COL19A1: variants seen among roughly 807,000 people sequenced by gnomAD.
COL19A1 encodes collagen alpha-1(XIX) chain.
COL19A1 carries 159 observed loss-of-function variants against 190.2 expected under a neutral mutation model. The ratio of observed to expected loss-of-function variants is 0.84; its 90% CI spans 0.73 to 0.95. The LOEUF is 0.95. Among genes scored for constraint, COL19A1 ranks in the 40% least tolerant of loss-of-function variants. The pLI is 0.00. For missense variants in COL19A1, 1,418 were observed against 1,431.9 expected (o/e 0.99, Z 0.16); for synonymous variants, 509 against 458.9 (o/e 1.11, Z -1.39).
At chr6:69,920,299 TC>T (rs1362272385) in intron 4 of COL19A1, among the ~76,000 whole-genome samples, 1 of 152,168 alleles carries the variant, frequency 6.6e-6, no homozygotes, top group African/African-American at 2.4e-5. Flanking sequence ...CTATTTCTGA[TC>T]CCCTGGTCAC....
rs75660673 is a variant in COL19A1 at position 70,156,603 on chromosome 6, A to T, written c.2239-67A>T. 2,327 of 1,539,090 alleles carry T rather than the reference A, an allele frequency of 1.5e-3. 31 individuals carry two copies. In the African/African-American group the frequency reaches 0.028, roughly 18 times the overall value. On this transcript the variant is annotated intron_variant, in intron 33 of 50. Transcript: ENST00000620364. ...CATGCCCCAAGTGTTCTTAGAAGAG[A>T]TTTTTTTCATTTCCAAAAGATAAGA... is the stretch of plus-strand genomic sequence containing the variant.
chr6:69,913,611 A>G (rs924559574), intron 4 of COL19A1, among the ~76,000 whole-genome samples: 1 of 152,160 alleles, frequency 6.6e-6, no homozygotes, highest in Non-Finnish European at 1.5e-5. Context: ...AGGTCAAAGC[A>G]ATTTGAGGAA....
At chr6:70,091,454 G>A (rs371259403) in intron 15 of COL19A1, among the ~76,000 whole-genome samples, 2 of 152,096 alleles carry the variant, frequency 1.3e-5, no homozygotes, top group Non-Finnish European at 2.9e-5. Context: ...TAGGGACTTC[G>A]TAAATACTTC....
chr6:70,026,377 C>G (rs1044581046), intron 12 of COL19A1, among the ~76,000 whole-genome samples: 1 of 152,204 alleles, frequency 6.6e-6, no homozygotes, highest in Non-Finnish European at 1.5e-5. Flanking sequence ...GTGTGAATGT[C>G]TATCCCTTTG....
chr6:69,885,156 G>T (rs937148856), intron 2 of COL19A1, among the ~76,000 whole-genome samples: 1 of 152,150 alleles, frequency 6.6e-6, no homozygotes, highest in Non-Finnish European at 1.5e-5. Flanking sequence ...GAGCCACCGC[G>T]CTGGGCCCCT....
chr6:69,938,025 C>T lies in COL19A1; in HGVS notation c.874-13C>T, dbSNP rs1773219278. On this transcript the variant is annotated splice_polypyrimidine_tract_variant and intron_variant, in intron 8 of 50. Transcript: ENST00000620364. ...CAGAATGTTTGCTAACACAGATATG[C>T]ATTTTTGCTCAGGGAGAAGCAGGAT... 6.2e-7 allele frequency: 1 copy of T among 1,611,984 alleles called. No individual in the cohort carries two copies. Among genetic ancestry groups the T allele is most frequent in the Non-Finnish European group, 8.5e-7 (1 of 1,178,738 alleles).
chr6:69,967,029 A>T (rs540645768), intron 11 of COL19A1, among the ~76,000 whole-genome samples: 1 of 152,206 alleles, frequency 6.6e-6, no homozygotes, highest in African/African-American at 2.4e-5. Flanking sequence ...TGATTATTTT[A>T]TGTTGTCACT....
intron 9 of COL19A1, among the ~76,000 whole-genome samples, chr6:69,948,974 TC>T (rs1773975570): frequency 6.6e-6 from 1 of 151,824 alleles, no homozygotes; most frequent in Non-Finnish European, 1.5e-5. Context: ...AAGACACTGT[TC>T]CCAGAGAACT....
At chr6:70,099,421 A>C (rs1783488913) in intron 15 of COL19A1, among the ~76,000 whole-genome samples, 1 of 152,202 alleles carries the variant, frequency 6.6e-6, no homozygotes, top group South Asian at 2.1e-4. Context: ...AAATTATTTA[A>C]AATAGTGCAT....
At chr6:70,022,711 A>G (rs1165964710) in intron 11 of COL19A1, among the ~76,000 whole-genome samples, 2 of 152,202 alleles carry the variant, frequency 1.3e-5, no homozygotes, top group African/African-American at 2.4e-5. Context: ...GGGTTTGTCT[A>G]TTTATTAACT....
intron 4 of COL19A1, among the ~76,000 whole-genome samples, chr6:69,922,486 T>TC (rs1772047727): frequency 6.9e-6 from 1 of 145,734 alleles, no homozygotes; most frequent in South Asian, 2.2e-4. Flanking sequence ...GGTTTTTTTT[T>TC]TTTTTTTTTT....
At chr6:70,162,978 G>A (rs749241308) in intron 35 of COL19A1, among the ~76,000 whole-genome samples, 6 of 152,158 alleles carry the variant, frequency 3.9e-5, no homozygotes, top group South Asian at 2.1e-4. Context: ...TAATTCTGCC[G>A]CCTTGAAGTA....
intron 4 of COL19A1, among the ~76,000 whole-genome samples, chr6:69,905,081 C>T (rs990050685): frequency 8.5e-5 from 13 of 152,140 alleles, no homozygotes; most frequent in African/African-American, 2.9e-4. Context: ...GGTACCACAG[C>T]CCATGCTGCA....
At chr6:70,079,132 T>G (rs1782079281) in intron 15 of COL19A1, among the ~76,000 whole-genome samples, 1 of 152,114 alleles carries the variant, frequency 6.6e-6, no homozygotes. Flanking sequence ...TAAAAACCAG[T>G]GAAATGGCTG....
intron 4 of COL19A1, among the ~76,000 whole-genome samples, chr6:69,927,142 A>G (rs1772451292): frequency 6.6e-6 from 1 of 152,184 alleles, no homozygotes; most frequent in Non-Finnish European, 1.5e-5. Flanking sequence ...AGGAAACTAG[A>G]CAGTAACTCA....
At chr6:70,056,269 T>C (rs1780501494) in intron 14 of COL19A1, among the ~76,000 whole-genome samples, 1 of 152,222 alleles carries the variant, frequency 6.6e-6, no homozygotes, top group Non-Finnish European at 1.5e-5. Context: ...TGATAGTTTA[T>C]CTGAGCATAG....
chr6:70,164,049 A>C (rs189516744), intron 36 of COL19A1, among the ~76,000 whole-genome samples: 4 of 152,176 alleles, frequency 2.6e-5, no homozygotes, highest in South Asian at 2.1e-4. Flanking sequence ...TCCAGACAGC[A>C]GACTGGCTCT....
chr6:69,944,296 C>A (rs1398605555), intron 9 of COL19A1, among the ~76,000 whole-genome samples: 1 of 152,114 alleles, frequency 6.6e-6, no homozygotes, highest in Non-Finnish European at 1.5e-5. Context: ...ATTTCTTTCC[C>A]TGTTGGAAAA....
intron 17 of COL19A1, among the ~76,000 whole-genome samples, chr6:70,124,295 G>C (rs900526716): frequency 2.0e-5 from 3 of 152,100 alleles, no homozygotes; most frequent in Non-Finnish European, 2.9e-5. Flanking sequence ...CACAGTGTCA[G>C]CTACAAAAAC....
Sources: gnomAD v4.1 joint callset for allele counts (sites outside exome capture counted in the v4.1 genomes callset) on GRCh38, gnomAD v4.1.1 for gene constraint, MANE v1.5 for transcripts, NCBI Gene and HGNC (gene_info 2026-07-23, HGNC 2026-07-21) for gene names.